MPDZ: variants seen among roughly 807,000 people sequenced by gnomAD.
The protein encoded by MPDZ is multiple PDZ domain protein.
Under a neutral mutation model 239.1 loss-of-function variants are expected in MPDZ, and 234 were observed. That is an observed-to-expected ratio of 0.98 (90% CI 0.88 to 1.09). The LOEUF is 1.09. Among genes scored for constraint, MPDZ ranks in the 50% least tolerant of loss-of-function variants. MPDZ has a pLI of 0.00. For synonymous variants in MPDZ, 1,048 were observed against 881.3 expected (o/e 1.19, Z -3.35); for missense variants, 3,175 against 2,510.0 (o/e 1.26, Z -5.66).
intron 15 of MPDZ, among the ~76,000 whole-genome samples, chr9:13,191,722 T>C (rs1259519720): frequency 6.6e-6 from 1 of 152,224 alleles, no homozygotes; most frequent in African/African-American, 2.4e-5. Context: ...ATGTACTATG[T>C]ACACACTATA....
chr9:13,109,272 A>C (rs1428601975), intron 45 of MPDZ, among the ~76,000 whole-genome samples: 2 of 151,914 alleles, frequency 1.3e-5, no homozygotes, highest in Non-Finnish European at 2.9e-5. Context: ...CCTACTTAAC[A>C]CCCTAATTCT....
At chr9:13,233,654 A>G (rs1172261766) in intron 3 of MPDZ, among the ~76,000 whole-genome samples, 1 of 152,136 alleles carries the variant, frequency 6.6e-6, no homozygotes, top group East Asian at 1.9e-4. Flanking sequence ...TCAAGTTTTC[A>G]AAGTTTGCAA....
At position 13,119,500 on chromosome 9, in the gene MPDZ, A is replaced by T. The variant is rs1391951665; in HGVS notation, c.5379+2T>A. 9 of 1,603,260 alleles carry T rather than the reference A, an allele frequency of 5.6e-6. No individual in the cohort carries two copies. Among genetic ancestry groups the T allele is most frequent in the African/African-American group, 5.4e-5 (4 of 74,016 alleles). ...CACAGAATTATTTTTTGCATTTTTT[A>T]CCTTTAGCAAAGCGGCAACCGCTTC... On this transcript the variant is annotated splice_donor_variant, in intron 39 of 46. Coordinates refer to ENST00000319217, the MANE Select transcript of MPDZ (RefSeq NM_001378778.1). LOFTEE classifies it high-confidence loss of function.
At chr9:13,192,070 T>G in intron 15 of MPDZ, 61 bp downstream of exon 15, 2 of 1,341,474 alleles carry the variant, frequency 1.5e-6, no homozygotes, top group Non-Finnish European at 2.0e-6. Flanking sequence ...TTAAAAAATT[T>G]TAAGCCATTT....
intron 15 of MPDZ, 80 bp from the exon 16 acceptor site, chr9:13,190,379 T>C (rs958667748): frequency 8.2e-7 from 1 of 1,213,300 alleles, no homozygotes; most frequent in South Asian, 3.1e-5. Context: ...AAAAGGGATA[T>C]TCCCAGCATC....
At chr9:13,181,741 T>C (rs1476251428) in intron 19 of MPDZ, among the ~76,000 whole-genome samples, 3 of 152,194 alleles carry the variant, frequency 2.0e-5, no homozygotes, top group East Asian at 1.9e-4. Context: ...GTAAAATATA[T>C]GCTTCTCAGT....
At chr9:13,149,819 T>A (rs1039310169) in intron 25 of MPDZ, among the ~76,000 whole-genome samples, 1 of 152,098 alleles carries the variant, frequency 6.6e-6, no homozygotes, top group East Asian at 1.9e-4. Flanking sequence ...TGCACATACA[T>A]GTGCACACAC....
intron 10 of MPDZ, among the ~76,000 whole-genome samples, chr9:13,212,943 A>T (rs928190894): frequency 2.6e-4 from 40 of 152,168 alleles, no homozygotes; most frequent in African/African-American, 7.2e-4. Context: ...CTAGGTTGCC[A>T]GGGCCTCCTC....
intron 26 of MPDZ, among the ~76,000 whole-genome samples, chr9:13,144,221 TA>T (rs1369881442): frequency 6.6e-6 from 1 of 152,062 alleles, no homozygotes; most frequent in African/African-American, 2.4e-5. Context: ...ATGTTTTAAA[TA>T]AATTTCCTAT....
intron 12 of MPDZ, among the ~76,000 whole-genome samples, chr9:13,200,644 A>T (rs537606536): frequency 6.6e-6 from 1 of 152,068 alleles, no homozygotes; most frequent in South Asian, 2.1e-4. Flanking sequence ...AGAAATTTTT[A>T]AATTTCCTTT....
At chr9:13,272,903 A>G (rs1973330555) in intron 1 of MPDZ, among the ~76,000 whole-genome samples, 1 of 152,038 alleles carries the variant, frequency 6.6e-6, no homozygotes, top group African/African-American at 2.4e-5. Context: ...TATGGTCTGA[A>G]TGTTTATATT....
In MPDZ at chr9:13,205,873, C is replaced by T. The variant is rs199708172; in HGVS notation, c.1474+43G>A. The stretch of plus-strand genomic sequence containing the variant: ...TTTGGAATTTAAAAAAAATTGGAGA[C>T]AATATAAAGGTCTAACTAAAAACCA... On this transcript the variant is annotated intron_variant, in intron 11 of 46. Transcript: ENST00000319217. 17 of 1,460,440 alleles carry T rather than the reference C, an allele frequency of 1.2e-5. No individual in the cohort carries two copies. In the South Asian group the frequency reaches 2.1e-4, roughly 18 times the overall value. 90.5% of individuals were successfully genotyped at this position (1,460,440 alleles called of 1,614,324 possible). A position where few individuals can be genotyped will look rare whatever the true frequency, so the allele number is the denominator to read the frequency against.
intron 32 of MPDZ, among the ~76,000 whole-genome samples, chr9:13,133,274 T>C (rs1367953479): frequency 2.0e-5 from 3 of 152,154 alleles, no homozygotes; most frequent in African/African-American, 7.2e-5. Context: ...ATGGACTTCT[T>C]GATAGAAAGG....
chr9:13,274,232 G>A (rs1356463823), intron 1 of MPDZ, among the ~76,000 whole-genome samples: 1 of 150,034 alleles, frequency 6.7e-6, no homozygotes, highest in African/African-American at 2.4e-5. Context: ...TAAAACATAA[G>A]CAACAACATT....
rs1947121447 is a variant in MPDZ at position 13,138,173 on chromosome 9, C to G, written c.4004-20G>C. ...TATTTTCTACATACAACAACAACAA[C>G]AAATACATATTTACAGTTAATTTAC... On this transcript the variant is annotated intron_variant, in intron 28 of 46. Transcript: ENST00000319217. 6.5e-7 allele frequency: 1 copy of G among 1,531,328 alleles called. No homozygotes were observed. Among genetic ancestry groups the G allele is most frequent in the African/African-American group, 1.4e-5 (1 of 72,346 alleles). The allele number at this position is 1,531,328 out of a possible 1,614,324, so 94.9% of individuals were successfully genotyped here. A position where few individuals can be genotyped will look rare whatever the true frequency, so the allele number is the denominator to read the frequency against.
chr9:13,165,993 T>A (rs1260660619), intron 22 of MPDZ, among the ~76,000 whole-genome samples: 1 of 152,130 alleles, frequency 6.6e-6, no homozygotes, highest in Non-Finnish European at 1.5e-5. Context: ...AGAAATCCAG[T>A]GCATTCTCTC....
chr9:13,259,017 A>G lies in MPDZ; in HGVS notation c.-57-8645T>C, dbSNP rs114373037. 7.4e-3 allele frequency among the ~76,000 whole-genome samples: 1,103 copies of G among 148,600 alleles called. 11 individuals are homozygous for G. Among genetic ancestry groups the G allele is most frequent in the African/African-American group, 0.025 (1,005 of 40,806 alleles). ...GGAGAATCGCTTGAACCCAGGAGGC[A>G]GAGGCTCAATACAGCTCAATCCAAT... On this transcript the variant is annotated intron_variant, in intron 1 of 46. Transcript: ENST00000319217.
rs556373731 is a variant in MPDZ at position 13,114,912 on chromosome 9, TAAATAAATA to T, written c.5466+327_5466+335del. Among the ~76,000 whole-genome samples, 43 of 151,816 alleles carry T rather than the reference TAAATAAATA, an allele frequency of 2.8e-4. No homozygotes were observed. The South Asian group carries it at 3.5e-3, about 12-fold the overall frequency. ...GAGACTCTGTCTCAAAATAAATAAA[TAAATAAATA>T]AAATAAATAAAATAATAAAAAATTT... On this transcript the variant is annotated intron_variant, in intron 40 of 46. Transcript: ENST00000319217.
rs1283623739 is a variant in MPDZ, at chr9:13,106,839, T to C, written c.*126A>G. ...TCTAGATGAGAAAAAGAAACTTAAG[T>C]GTTATTTCCCCCCTACAGTTTTGAA... On this transcript the variant is annotated 3_prime_UTR_variant, in exon 47 of 47. Coordinates refer to ENST00000319217, the MANE Select transcript of MPDZ (RefSeq NM_001378778.1). The C allele has an allele frequency of 1.0e-6, 1 of 990,274 alleles. No homozygotes were observed. Among genetic ancestry groups the C allele is most frequent in the African/African-American group, 1.6e-5 (1 of 62,044 alleles). 61.3% of individuals were successfully genotyped at this position (990,274 alleles called of 1,614,324 possible).
Sources: allele counts gnomAD v4.1 joint callset (sites outside exome capture counted in the v4.1 genomes callset), GRCh38; gene constraint gnomAD v4.1.1; transcripts MANE v1.5; gene names NCBI Gene and HGNC (gene_info 2026-07-23, HGNC 2026-07-21).